The following ZER1 variants were observed in gnomAD, a reference collection of about 807,000 sequenced individuals.
ZER1 encodes the protein zyg-11 related cell cycle regulator, also known as protein zer-1 homolog.
A neutral mutation model predicts 78.8 loss-of-function variants in ZER1; 11 were observed. That is an observed-to-expected ratio of 0.14 (90% CI 0.09 to 0.23). The LOEUF (loss-of-function observed/expected upper bound fraction) is 0.23, where lower values mean the gene tolerates loss of function less well. ZER1 is among the 10% of genes least tolerant of loss of function. The pLI, the probability that ZER1 is intolerant of heterozygous loss-of-function variation, is 1.00. For missense variants in ZER1, 588 were observed against 996.9 expected (o/e 0.59, Z 5.52); for synonymous variants, 400 against 407.0 (o/e 0.98, Z 0.21).
chr9:128,731,695 C>T (rs1464429375), intron 15 of ZER1, among the ~76,000 whole-genome samples: 1 of 152,172 alleles, frequency 6.6e-6, no homozygotes, highest in Non-Finnish European at 1.5e-5. Flanking sequence ...AGCTCAGGCC[C>T]GACCTCCAAA....
At position 128,755,035 on chromosome 9, in the gene ZER1, T is replaced by C. The variant is rs1156810929; in HGVS notation, c.158+373A>G. ...ACAAGCACAGGTATGTGCATGTGAA[T>C]GTACATACACGTGTGGGGCAACACT... On this transcript the variant is annotated intron_variant, in intron 2 of 15. Transcript: ENST00000291900. The surrounding 1 kb of genome is among the most constrained non-coding windows in gnomAD (Gnocchi z 5.6). 1.3e-5 allele frequency among the ~76,000 whole-genome samples: 2 copies of C among 152,230 alleles called. No individual in the cohort carries two copies. The highest frequency in any genetic ancestry group is 2.4e-5 in the African/African-American group (1 of 41,460).
At chr9:128,766,014 C>T (rs1475801758) in intron 1 of ZER1, among the ~76,000 whole-genome samples, 2 of 152,184 alleles carry the variant, frequency 1.3e-5, no homozygotes, top group Admixed American at 1.3e-4. Flanking sequence ...TTCTTGTAAC[C>T]AAATGTATTA....
chr9:128,742,593 A>G lies in ZER1; in HGVS notation c.1512T>C (p.Asn504=), dbSNP rs1863339560. ...SIQRIAVHLC[N]ALVCQVDNDH... ...CGTTGTCTACCTGGCAGACCAGGGC[A>G]TTGCACAGGTGCACGGCGATCCGCT... Residue 504 remains asparagine (N), a synonymous_variant, in exon 9 of 16, where the codon AAT becomes AAC. Coordinates refer to ENST00000291900, the MANE Select transcript of ZER1 (RefSeq NM_006336.4). 2 of 1,614,116 alleles carry G rather than the reference A, an allele frequency of 1.2e-6. No individual in the cohort carries two copies. The highest frequency in any genetic ancestry group is 2.2e-5 in the East Asian group (1 of 44,882).
Position 128,752,667 on chromosome 9 carries a change from C to A in ZER1, c.923+6G>T. On this transcript the variant is annotated splice_donor_region_variant and intron_variant, in intron 5 of 15. Coordinates refer to ENST00000291900, the MANE Select transcript of ZER1 (RefSeq NM_006336.4). ...CTACCAGTAGCCATGGAGGCTGGGG[C>A]CCCACCTGGTCTGCCCCGCTTCCTC... 6.2e-7 allele frequency: 1 copy of A among 1,607,668 alleles called. No individual in the cohort carries two copies.
Position 128,761,856 on chromosome 9 carries a change from A to G in ZER1, c.-94-6197T>C, listed in dbSNP as rs540943907. On this transcript the variant is annotated intron_variant, in intron 1 of 15. Coordinates refer to ENST00000291900, the MANE Select transcript of ZER1 (RefSeq NM_006336.4). ...CCTGACCTTGTGATCCGCCCGCCTCAGCCTCCCAAAATGTTGGGATTACAG... is the reference window on the plus strand; with the variant it reads ...CCTGACCTTGTGATCCGCCCGCCTCGGCCTCCCAAAATGTTGGGATTACAG... Among the ~76,000 whole-genome samples, 52 of 152,168 alleles carry G rather than the reference A, an allele frequency of 3.4e-4. 1 individual carries two copies. Among genetic ancestry groups the G allele is most frequent in the Non-Finnish European group, 3.8e-4 (26 of 67,980 alleles).
chr9:128,731,419 T>A, intron 15 of ZER1, 25 bp from the exon 16 acceptor site: 1 of 1,312,054 alleles, frequency 7.6e-7, no homozygotes, highest in South Asian at 1.2e-5. Context: ...GGAGACAGGA[T>A]TGGAGGGTGG....
At chr9:128,750,502 A>C (rs994017828) in intron 8 of ZER1, 114 bp downstream of exon 8, 40 of 1,261,758 alleles carry the variant, frequency 3.2e-5, no homozygotes, top group Non-Finnish European at 3.8e-5. Context: ...CTGCTGTGGG[A>C]AAGGGAGCTG....
chr9:128,761,528 C>T (rs1361180922), intron 1 of ZER1, among the ~76,000 whole-genome samples: 1 of 4,712 alleles, frequency 2.1e-4, no homozygotes, highest in East Asian at 6.8e-3. Context: ...CTCAGGTGAT[C>T]CACCCGCCTC....
At chr9:128,738,457 C>T (rs557740837) in intron 13 of ZER1, among the ~76,000 whole-genome samples, 7 of 149,324 alleles carry the variant, frequency 4.7e-5, no homozygotes, top group African/African-American at 1.7e-4. Flanking sequence ...GCGATCTCGG[C>T]TAACTGCAAG....
Position 128,738,847 on chromosome 9 carries a change from CAT to C in ZER1, c.2042+1082_2042+1083del, listed in dbSNP as rs1491191178. 5.8e-5 allele frequency among the ~76,000 whole-genome samples: 5 copies of C among 85,634 alleles called. No individual in the cohort carries two copies. The South Asian group carries it at 2.2e-3, about 38-fold the overall frequency. 56.2% of individuals were successfully genotyped at this position (85,634 alleles called of 152,430 possible). A position where few individuals can be genotyped will look rare whatever the true frequency, so the allele number is the denominator to read the frequency against. ...CAGGTGTGCACCATCACACCCAGCT[CAT>C]TTTTTTTTTTTTTTTTTTTTGAGAT... On this transcript the variant is annotated intron_variant, in intron 13 of 15. Coordinates refer to ENST00000291900, the MANE Select transcript of ZER1 (RefSeq NM_006336.4).
rs7040181 is a variant in ZER1 at position 128,766,132 on chromosome 9, C to T, written c.-95+5449G>A. On this transcript the variant is annotated intron_variant, in intron 1 of 15. Coordinates refer to ENST00000291900, the MANE Select transcript of ZER1 (RefSeq NM_006336.4). ...TTGGGAGGCCAAGGCGGGCGGATCA[C>T]GAGGTGAAGAGATTGAGACCATCCT... Among the ~76,000 whole-genome samples the T allele has an allele frequency of 5.2e-3, 787 of 152,166 alleles. 9 individuals are homozygous for T. Among genetic ancestry groups the T allele is most frequent in the African/African-American group, 0.014 (566 of 41,516 alleles).
chr9:128,753,233 G>A lies in ZER1; in HGVS notation c.677C>T (p.Ser226Phe), dbSNP rs1341053179. 2 of 1,590,786 alleles carry A rather than the reference G, an allele frequency of 1.3e-6. No individual in the cohort carries two copies. ...FLTQWKDSLV[S>F]LVLYNMDLSD... ...CAGGTCCATGTTGTAGAGGACGAGG[G>A]ACACCAGGCTGTCTTTCCACTGGGT... Residue 226 changes from serine (S) to phenylalanine (F), a missense_variant, in exon 4 of 16, where the codon TCC becomes TTC. By Grantham distance (155) the Ser-to-Phe change is radical. This residue lies in a region of ZER1 where 406 missense variants were observed against 660.1 expected (regional missense o/e 0.62). Coordinates refer to ENST00000291900, the MANE Select transcript of ZER1 (RefSeq NM_006336.4). This position sits in a 1 kb window ranked among gnomAD's most constrained non-coding sequence, Gnocchi z 7.5.
chr9:128,745,203 T>C (rs1185931921), intron 8 of ZER1, among the ~76,000 whole-genome samples: 1 of 149,358 alleles, frequency 6.7e-6, no homozygotes, highest in African/African-American at 2.5e-5. Flanking sequence ...GTTTGGGTTT[T>C]TTTTTTTTTT....
At chr9:128,744,483 CTT>C (rs745822457) in intron 8 of ZER1, among the ~76,000 whole-genome samples, 13 of 135,324 alleles carry the variant, frequency 9.6e-5, no homozygotes, top group Non-Finnish European at 1.4e-4. Context: ...CGTGCAGGGC[CTT>C]TTTTTTTTTT....
chr9:128,742,700 C>T lies in ZER1; in HGVS notation c.1405G>A (p.Glu469Lys), dbSNP rs1275419827. 6.8e-6 allele frequency: 11 copies of T among 1,613,874 alleles called. No homozygotes were observed. The highest frequency in any genetic ancestry group is 1.1e-5 in the South Asian group (1 of 91,044). Residue 469 changes from glutamate (E) to lysine (K), a missense_variant, in exon 9 of 16, where the codon GAG becomes AAG. Physicochemically the swap from Glu to Lys is moderately conservative, Grantham distance 56 (BLOSUM62 1). Coordinates refer to ENST00000291900, the MANE Select transcript of ZER1 (RefSeq NM_006336.4). ...CLTLCNFSIP[E>K]ELEFQYRRVN... ...CGGCGGTACTGGAATTCCAGCTCCT[C>T]GGGGATGCTGAAGTTGCAGAGCGTC...
chr9:128,750,165 G>A (rs1863627653), intron 8 of ZER1, among the ~76,000 whole-genome samples: 1 of 152,236 alleles, frequency 6.6e-6, no homozygotes, highest in South Asian at 2.1e-4. Context: ...TACAAAATAT[G>A]TGTGCATAGG....
In ZER1 at chr9:128,733,443, C is replaced by T. The variant is rs140579362; in HGVS notation, c.2226G>A (p.Glu742=). 1 of 1,613,882 alleles carries T rather than the reference C, an allele frequency of 6.2e-7. No individual in the cohort carries two copies. Among genetic ancestry groups the T allele is most frequent in the Non-Finnish European group, 8.5e-7 (1 of 1,179,962 alleles). ...DIIKMATARQ[E]TKEMARKVIE... is the part of the protein sequence containing the mutation. ...TCTCTTACCGGGCCATTTCCTTGGT[C>T]TCCTGCCGTGCGGTCGCCATCTTAA... The change falls in exon 15 of 16, where the codon GAG becomes GAA. Residue 742 remains glutamate (E), a synonymous_variant. Coordinates refer to ENST00000291900, the MANE Select transcript of ZER1 (RefSeq NM_006336.4).
chr9:128,740,240 C>T lies in ZER1; in HGVS notation c.1854-121G>A, dbSNP rs1340772023. 7.2e-6 allele frequency: 7 copies of T among 972,748 alleles called. No individual in the cohort carries two copies. Among genetic ancestry groups the T allele is most frequent in the South Asian group, 1.7e-5 (1 of 58,412 alleles). 60.3% of individuals were successfully genotyped at this position (972,748 alleles called of 1,614,324 possible). A position where few individuals can be genotyped will look rare whatever the true frequency, so the allele number is the denominator to read the frequency against. ...TGCTACTTATTTCTTTATCCCATAT[C>T]GTCTATATACCCAGACTACTTCTAA... On this transcript the variant is annotated intron_variant, in intron 12 of 15. Coordinates refer to ENST00000291900, the MANE Select transcript of ZER1 (RefSeq NM_006336.4). This position sits in a 1 kb window ranked among gnomAD's most constrained non-coding sequence, Gnocchi z 4.4.
intron 13 of ZER1, among the ~76,000 whole-genome samples, chr9:128,738,437 G>A (rs1293966592): frequency 4.0e-5 from 6 of 149,640 alleles, no homozygotes; most frequent in Admixed American, 2.0e-4. Context: ...CCAGGCTGGA[G>A]TGCAGTGGCG....
Sources: allele counts gnomAD v4.1 joint callset (sites outside exome capture counted in the v4.1 genomes callset), GRCh38; gene constraint gnomAD v4.1.1; regional missense constraint gnomAD v4.1.1; non-coding constraint Gnocchi (gnomAD v3.1); transcripts MANE v1.5; gene names NCBI Gene and HGNC (gene_info 2026-07-23, HGNC 2026-07-21).